Variants in PCCB observed in about 807,000 individuals in gnomAD.
The protein encoded by PCCB is propionyl-CoA carboxylase beta chain, mitochondrial.
Under a neutral mutation model 60.7 loss-of-function variants are expected in PCCB, and 43 were observed. The observed-to-expected ratio is 0.71, with a 90% CI of 0.55 to 0.91. PCCB has a LOEUF of 0.91. Ranked by LOEUF, PCCB falls within the 40% of genes least tolerant of loss-of-function variation. The probability of loss-of-function intolerance (pLI) is 0.00; values close to 1 mark genes in which losing one functional copy is unlikely to be tolerated. For synonymous variants in PCCB, 276 were observed against 255.9 expected (o/e 1.08, Z -0.75); for missense variants, 766 against 702.8 (o/e 1.09, Z -1.02).
intron 5 of PCCB, among the ~76,000 whole-genome samples, chr3:136,266,103 G>T (rs1243337790): frequency 1.3e-5 from 2 of 150,820 alleles, no homozygotes; most frequent in African/African-American, 4.9e-5. Flanking sequence ...GGGATTACAG[G>T]TGTGAGCCAC....
chr3:136,312,589 C>T (rs1175783735), intron 9 of PCCB, among the ~76,000 whole-genome samples: 1 of 152,110 alleles, frequency 6.6e-6, no homozygotes, highest in African/African-American at 2.4e-5. Flanking sequence ...TACTTTACAC[C>T]ATGTACAAAA....
intron 9 of PCCB, among the ~76,000 whole-genome samples, chr3:136,308,719 A>C (rs1245894974): frequency 1.3e-5 from 2 of 152,236 alleles, no homozygotes; most frequent in Non-Finnish European, 2.9e-5. Flanking sequence ...TAAATCCCAT[A>C]GAGCAAAAAA....
intron 5 of PCCB, among the ~76,000 whole-genome samples, chr3:136,268,049 AGTGT>A (rs1181482923): frequency 1.2e-5 from 1 of 83,946 alleles, no homozygotes; most frequent in African/African-American, 4.2e-5. Context: ...AAACCTGGCT[AGTGT>A]GTGTGTGTGT....
intron 1 of PCCB, chr3:136,251,430 C>T: frequency 2.4e-6 from 1 of 418,602 alleles, no homozygotes; most frequent in Non-Finnish European, 4.9e-6. Flanking sequence ...TCAGGCACAA[C>T]TCACAACCAT....
intron 5 of PCCB, among the ~76,000 whole-genome samples, chr3:136,272,428 G>A (rs1204159570): frequency 1.3e-5 from 2 of 152,022 alleles, no homozygotes; most frequent in African/African-American, 2.4e-5. Context: ...GTTTCAGTAG[G>A]ATTGGTACCA....
intron 6 of PCCB, 57 bp from the exon 7 acceptor site, chr3:136,293,699 G>T: frequency 9.4e-7 from 1 of 1,065,630 alleles, no homozygotes. Flanking sequence ...TCAACTCTAA[G>T]GCTGTGACCA....
chr3:136,302,381 T>G lies in PCCB; in HGVS notation c.966+1270T>G, dbSNP rs765403836. 1.8e-4 allele frequency among the ~76,000 whole-genome samples: 22 copies of G among 121,072 alleles called. 5 individuals are homozygous for G. Among genetic ancestry groups the G allele is most frequent in the Non-Finnish European group, 2.8e-4 (15 of 54,338 alleles). The allele number at this position is 121,072 out of a possible 152,430, so 79.4% of individuals were successfully genotyped here. A position where few individuals can be genotyped will look rare whatever the true frequency, so the allele number is the denominator to read the frequency against. Reference sequence around the variant, plus strand: ...CAGATTCTGCCAGGCAATTGTTGCCTGGGTGGGGAGACAGATTCCTGGTGC... The same window carrying G: ...CAGATTCTGCCAGGCAATTGTTGCCGGGGTGGGGAGACAGATTCCTGGTGC... On this transcript the variant is annotated intron_variant, in intron 9 of 14. Coordinates refer to ENST00000251654, the MANE Select transcript of PCCB (RefSeq NM_000532.5).
At chr3:136,309,276 A>AG (rs1934567620) in intron 9 of PCCB, among the ~76,000 whole-genome samples, 1 of 151,574 alleles carries the variant, frequency 6.6e-6, no homozygotes, top group South Asian at 2.1e-4. Context: ...AAAAAAAAAA[A>AG]AAAAGAAAAG....
intron 7 of PCCB, among the ~76,000 whole-genome samples, chr3:136,294,691 C>T (rs1021891929): frequency 1.3e-5 from 2 of 152,070 alleles, no homozygotes; most frequent in African/African-American, 2.4e-5. Context: ...CTCACTGTAG[C>T]CTCAGTCTTC....
At chr3:136,276,580 C>T (rs552578632) in intron 5 of PCCB, among the ~76,000 whole-genome samples, 88 of 134,654 alleles carry the variant, frequency 6.5e-4, no homozygotes, top group Middle Eastern at 3.8e-3. Context: ...TGGGCCAGGG[C>T]GGGGGTGGGG....
chr3:136,309,682 C>T (rs1394633001), intron 9 of PCCB, among the ~76,000 whole-genome samples: 1 of 151,858 alleles, frequency 6.6e-6, no homozygotes, highest in Admixed American at 6.6e-5. Context: ...CACCTATAGT[C>T]CCAGCTACTT....
At chr3:136,265,980 C>T (rs1222567324) in intron 5 of PCCB, among the ~76,000 whole-genome samples, 1 of 151,974 alleles carries the variant, frequency 6.6e-6, no homozygotes, top group East Asian at 1.9e-4. Flanking sequence ...CACCTGCCAT[C>T]ACGCCCGGCT....
intron 5 of PCCB, among the ~76,000 whole-genome samples, chr3:136,275,353 T>A (rs1244033730): frequency 6.6e-6 from 1 of 152,104 alleles, no homozygotes; most frequent in African/African-American, 2.4e-5. Flanking sequence ...GTTTTTTTTT[T>A]ATGTTGGTTT....
At chr3:136,265,185 T>C (rs1033501201) in intron 5 of PCCB, among the ~76,000 whole-genome samples, 1 of 152,194 alleles carries the variant, frequency 6.6e-6, no homozygotes. Context: ...AGAGCGAGAC[T>C]CCATCTCAAA....
intron 6 of PCCB, among the ~76,000 whole-genome samples, chr3:136,285,325 T>C (rs1166229566): frequency 6.6e-6 from 1 of 152,132 alleles, no homozygotes; most frequent in Admixed American, 6.5e-5. Context: ...CCACCCTTCT[T>C]CAGGACCCTT....
chr3:136,301,585 G>C (rs1934283950), intron 9 of PCCB, among the ~76,000 whole-genome samples: 1 of 152,116 alleles, frequency 6.6e-6, no homozygotes, highest in Admixed American at 6.5e-5. Flanking sequence ...TGGTACAGCA[G>C]ATTCCTGGGT....
intron 7 of PCCB, among the ~76,000 whole-genome samples, chr3:136,296,117 G>A (rs929922664): frequency 3.9e-5 from 6 of 151,986 alleles, no homozygotes; most frequent in South Asian, 2.1e-4. Flanking sequence ...TTCATATACC[G>A]TATATTTTAA....
chr3:136,294,669 A>G (rs1576335510), intron 7 of PCCB, among the ~76,000 whole-genome samples: 1 of 151,940 alleles, frequency 6.6e-6, no homozygotes, highest in African/African-American at 2.4e-5. Flanking sequence ...GGAGTGCAGG[A>G]CACAGTGATA....
At chr3:136,310,922 T>A (rs1934639378) in intron 9 of PCCB, among the ~76,000 whole-genome samples, 1 of 152,198 alleles carries the variant, frequency 6.6e-6, no homozygotes, top group Non-Finnish European at 1.5e-5. Flanking sequence ...TAGGAATTAA[T>A]ACTTTCTTAA....
Sources: gnomAD v4.1 joint callset for allele counts (sites outside exome capture counted in the v4.1 genomes callset) on GRCh38, gnomAD v4.1.1 for gene constraint, MANE v1.5 for transcripts, NCBI Gene and HGNC (gene_info 2026-07-23, HGNC 2026-07-21) for gene names.